Variants in MACROD2 observed in about 807,000 individuals in gnomAD.
MACROD2 encodes the protein mono-ADP ribosylhydrolase 2, also known as ADP-ribose glycohydrolase MACROD2.
A neutral mutation model predicts 70.4 loss-of-function variants in MACROD2; 36 were observed. That is an observed-to-expected ratio of 0.51 (90% CI 0.39 to 0.68). The LOEUF is 0.68. Among genes scored for constraint, MACROD2 ranks in the 30% least tolerant of loss-of-function variants. MACROD2 has a pLI of 0.00. For synonymous variants in MACROD2, 172 were observed against 178.8 expected, an observed-to-expected ratio of 0.96 and a Z score of 0.30; for missense variants, 496 against 538.4, an observed-to-expected ratio of 0.92 and a Z score of 0.78.
intron 8 of MACROD2, among the ~76,000 whole-genome samples, chr20:15,546,158 T>C (rs1364363933): frequency 6.6e-6 from 1 of 152,152 alleles, no homozygotes; most frequent in Non-Finnish European, 1.5e-5. Context: ...GGCAGGAGAA[T>C]TGCTTGAACC....
intron 3 of MACROD2, among the ~76,000 whole-genome samples, chr20:14,164,923 G>T (rs1413600620): frequency 2.6e-5 from 4 of 152,172 alleles, no homozygotes; most frequent in African/African-American, 7.2e-5. Flanking sequence ...AGTGGCAGTG[G>T]CTGTGGGCAT....
intron 3 of MACROD2, among the ~76,000 whole-genome samples, chr20:14,094,791 G>A (rs1241518620): frequency 6.6e-6 from 1 of 152,084 alleles, no homozygotes; most frequent in African/African-American, 2.4e-5. Context: ...TGGCCCATAA[G>A]ATTAAGGGCA....
At chr20:14,630,334 C>T (rs1024919271) in intron 4 of MACROD2, among the ~76,000 whole-genome samples, 73 of 152,318 alleles carry the variant, frequency 4.8e-4, no homozygotes, top group African/African-American at 1.6e-3. Flanking sequence ...ATTTCTATAA[C>T]TTAGGCTGTA....
At chr20:14,182,079 G>C (rs1481108424) in intron 3 of MACROD2, among the ~76,000 whole-genome samples, 1 of 152,114 alleles carries the variant, frequency 6.6e-6, no homozygotes, top group Non-Finnish European at 1.5e-5. Context: ...TCCCACAGAG[G>C]CTACACCATT....
At chr20:15,004,106 G>C (rs1386498924) in intron 5 of MACROD2, among the ~76,000 whole-genome samples, 1 of 152,100 alleles carries the variant, frequency 6.6e-6, no homozygotes, top group Non-Finnish European at 1.5e-5. Flanking sequence ...GCCTAACCGG[G>C]GAGCTTTGGA....
rs191248158 is a variant in MACROD2 at position 14,069,765 on chromosome 20, A to G, written c.164-15856A>G. ...CAAAGAATGTCACTTCCCTGTGTCT[A>G]TGCTCCTATTTACTGCTCTTCCAAT... On this transcript the variant is annotated intron_variant, in intron 2 of 17. Coordinates refer to ENST00000684519, the MANE Select transcript of MACROD2 (RefSeq NM_001351661.2). 3.4e-4 allele frequency among the ~76,000 whole-genome samples: 51 copies of G among 150,738 alleles called. No homozygotes were observed. In the East Asian group the frequency reaches 6.2e-3, roughly 18 times the overall value.
At chr20:15,934,683 T>C (rs1185029810) in intron 11 of MACROD2, among the ~76,000 whole-genome samples, 2 of 148,168 alleles carry the variant, frequency 1.3e-5, no homozygotes, top group Non-Finnish European at 3.1e-5. Flanking sequence ...TTGTTTGTTT[T>C]TTGTTTTTTG....
At chr20:15,294,522 G>C (rs907327974) in intron 6 of MACROD2, among the ~76,000 whole-genome samples, 2 of 152,174 alleles carry the variant, frequency 1.3e-5, no homozygotes, top group African/African-American at 4.8e-5. Context: ...ACACAGGGTG[G>C]CTTGGTGCTC....
At chr20:14,067,279 A>C (rs2148659041) in intron 2 of MACROD2, among the ~76,000 whole-genome samples, 1 of 151,142 alleles carries the variant, frequency 6.6e-6, no homozygotes, top group East Asian at 2.0e-4. Context: ...GTGCGTCACC[A>C]TGCCCAGGTA....
At chr20:15,047,275 C>T (rs2075402274) in intron 5 of MACROD2, among the ~76,000 whole-genome samples, 1 of 152,178 alleles carries the variant, frequency 6.6e-6, no homozygotes. Flanking sequence ...TATCTACAGG[C>T]TGCAGCTGGC....
At chr20:14,390,005 T>A (rs970921140) in intron 3 of MACROD2, among the ~76,000 whole-genome samples, 8 of 152,162 alleles carry the variant, frequency 5.3e-5, no homozygotes, top group Non-Finnish European at 1.0e-4. Flanking sequence ...AGCATCATAG[T>A]CTTAGCCCAA....
intron 3 of MACROD2, among the ~76,000 whole-genome samples, chr20:14,456,844 G>T (rs2084308815): frequency 6.6e-6 from 1 of 150,384 alleles, no homozygotes; most frequent in Non-Finnish European, 1.5e-5. Flanking sequence ...AGCCTCCCGA[G>T]TAGCTGGGAC....
chr20:15,416,190 A>G (rs1390489184), intron 6 of MACROD2, among the ~76,000 whole-genome samples: 1 of 152,162 alleles, frequency 6.6e-6, no homozygotes, highest in Non-Finnish European at 1.5e-5. Flanking sequence ...CTTCACTGTG[A>G]TTGATGGTCC....
At chr20:14,794,166 C>T (rs1028794193) in intron 5 of MACROD2, among the ~76,000 whole-genome samples, 2 of 152,090 alleles carry the variant, frequency 1.3e-5, no homozygotes, top group African/African-American at 4.8e-5. Context: ...CTCACTGGCT[C>T]CTTTCATTTC....
At chr20:15,000,607 G>A (rs2074986791) in intron 5 of MACROD2, among the ~76,000 whole-genome samples, 1 of 121,064 alleles carries the variant, frequency 8.3e-6, no homozygotes. Flanking sequence ...TCCGGCCTGG[G>A]CGACAGAGCG....
intron 4 of MACROD2, among the ~76,000 whole-genome samples, chr20:14,681,581 G>A (rs1040382225): frequency 6.6e-6 from 1 of 152,144 alleles, no homozygotes; most frequent in African/African-American, 2.4e-5. Context: ...CTCCCTCTGG[G>A]TGAGGGGAGG....
At chr20:14,619,361 AGGG>A in intron 4 of MACROD2, among the ~76,000 whole-genome samples, 1 of 134,772 alleles carries the variant, frequency 7.4e-6, no homozygotes. Context: ...AAAGGAAGGA[AGGG>A]AGGGAGTGAG....
At chr20:14,841,527 G>GA (rs11481126) in intron 5 of MACROD2, among the ~76,000 whole-genome samples, 65,001 of 149,150 alleles carry the variant, frequency 0.44, 15,582 homozygotes, top group Non-Finnish European at 0.55. Flanking sequence ...ATGTTTTCAG[G>GA]AAAAAAAAAA....
chr20:15,956,457 C>A (rs945261993), intron 12 of MACROD2, among the ~76,000 whole-genome samples: 1 of 152,182 alleles, frequency 6.6e-6, no homozygotes, highest in Non-Finnish European at 1.5e-5. Context: ...ACTCAGAGAG[C>A]TGTGCATCCC....
Sources: allele counts gnomAD v4.1 joint callset (sites outside exome capture counted in the v4.1 genomes callset), GRCh38; gene constraint gnomAD v4.1.1; transcripts MANE v1.5; gene names NCBI Gene and HGNC (gene_info 2026-07-23, HGNC 2026-07-21).